The following TMEM272 variants were observed in gnomAD, a reference collection of about 807,000 sequenced individuals.
The protein encoded by TMEM272 is long intergenic non-protein coding RNA 282.
TMEM272 carries 8 observed loss-of-function variants against 3.7 expected under a neutral mutation model. The observed-to-expected ratio is 2.17, with a 90% CI of 1.27 to 3.91. TMEM272 has a LOEUF of 3.91. Ranked by LOEUF, TMEM272 falls within the 30% of genes most tolerant of loss-of-function variation. The pLI is 0.00. For missense variants in TMEM272, 166 were observed against 91.5 expected (o/e 1.81, Z -3.32); for synonymous variants, 63 against 39.8 (o/e 1.58, Z -2.20).
upstream of TMEM272, among the ~76,000 whole-genome samples, chr13:51,849,842 G>A (rs1405195550): frequency 6.6e-6 from 1 of 152,160 alleles, no homozygotes; most frequent in Non-Finnish European, 1.5e-5. Flanking sequence ...AATGCACAAC[G>A]CCACCTACTG....
chr13:51,851,946 C>T, the TMEM272 span, among the ~76,000 whole-genome samples: 7 of 152,206 alleles, frequency 4.6e-5, no homozygotes, highest in South Asian at 4.1e-4. Flanking sequence ...AACAATACTC[C>T]GATGAATAAC....
chr13:51,819,947 T>A (rs1381883494), intron 4 of TMEM272, among the ~76,000 whole-genome samples: 1 of 152,138 alleles, frequency 6.6e-6, no homozygotes, highest in African/African-American at 2.4e-5. Flanking sequence ...CTTGTTGGCT[T>A]AGAGAAGTCC....
chr13:51,865,688 G>GA, the TMEM272 span: 1 of 1,614,174 alleles, frequency 6.2e-7, no homozygotes. Flanking sequence ...CTGGAAAGAG[G>GA]AAAAATCCTT....
intron 4 of TMEM272, among the ~76,000 whole-genome samples, chr13:51,817,731 T>G (rs1956046357): frequency 6.6e-6 from 1 of 150,952 alleles, no homozygotes; most frequent in Admixed American, 6.6e-5. Context: ...GGACTGAGAG[T>G]CCCTCTCAGT....
intron 2 of TMEM272, among the ~76,000 whole-genome samples, chr13:51,834,647 G>A (rs957286373): frequency 5.3e-5 from 8 of 152,104 alleles, no homozygotes; most frequent in African/African-American, 1.7e-4. Context: ...CTAGAGTCAC[G>A]GTTCCTTCAC....
chr13:51,824,779 C>G (rs939230243), intron 3 of TMEM272, among the ~76,000 whole-genome samples: 1 of 152,170 alleles, frequency 6.6e-6, no homozygotes, highest in Non-Finnish European at 1.5e-5. Flanking sequence ...GTGGTGAAAC[C>G]CTGTCTCTAC....
chr13:51,862,559 A>T, the TMEM272 span, among the ~76,000 whole-genome samples: 1 of 152,170 alleles, frequency 6.6e-6, no homozygotes, highest in Non-Finnish European at 1.5e-5. Flanking sequence ...TATTTCCTGA[A>T]CACCTATCCT....
At chr13:51,893,866 AAATAT>A in the TMEM272 span, among the ~76,000 whole-genome samples, 1 of 152,338 alleles carries the variant, frequency 6.6e-6, no homozygotes, top group African/African-American at 2.4e-5. Context: ...TGGAGAAAAC[AAATAT>A]AATACATGAA....
At chr13:51,891,351 G>A in the TMEM272 span, among the ~76,000 whole-genome samples, 15 of 152,080 alleles carry the variant, frequency 9.9e-5, no homozygotes, top group African/African-American at 3.6e-4. Context: ...CATGAATAGA[G>A]ATTATTTGCC....
the TMEM272 span, among the ~76,000 whole-genome samples, chr13:51,900,128 GA>G: frequency 2.0e-5 from 3 of 151,438 alleles, no homozygotes; most frequent in Non-Finnish European, 4.4e-5. Flanking sequence ...GGCAAAAAAA[GA>G]AAAAAAATGT....
the TMEM272 span, among the ~76,000 whole-genome samples, chr13:51,886,509 G>T: frequency 6.6e-6 from 1 of 152,170 alleles, no homozygotes; most frequent in Non-Finnish European, 1.5e-5. Context: ...CTAGTAAAGG[G>T]CAGCACTAGG....
At chr13:51,845,418 C>T (rs191046588), upstream of TMEM272, among the ~76,000 whole-genome samples, 3 of 152,324 alleles carry the variant, frequency 2.0e-5, no homozygotes, top group Non-Finnish European at 4.4e-5. Context: ...AGCCCCTTCT[C>T]ACCCCTTGCC....
At chr13:51,918,277 C>A in the TMEM272 span, among the ~76,000 whole-genome samples, 1 of 152,210 alleles carries the variant, frequency 6.6e-6, no homozygotes, top group South Asian at 2.1e-4. Flanking sequence ...CTGGAACTTT[C>A]CTGACAGCCC....
At chr13:51,852,656 G>T in the TMEM272 span, among the ~76,000 whole-genome samples, 1 of 152,258 alleles carries the variant, frequency 6.6e-6, no homozygotes, top group East Asian at 1.9e-4. Context: ...AAGGCGGGCA[G>T]ATCATGAGGT....
At chr13:51,876,126 A>C in the TMEM272 span, among the ~76,000 whole-genome samples, 54,588 of 151,880 alleles carry the variant, frequency 0.36, 9,985 homozygotes, top group East Asian at 0.45. Flanking sequence ...TGTTCCCCCC[A>C]AAAAAAGGAA....
At chr13:51,856,295 C>T in the TMEM272 span, among the ~76,000 whole-genome samples, 1 of 152,160 alleles carries the variant, frequency 6.6e-6, no homozygotes, top group Non-Finnish European at 1.5e-5. Context: ...TCTACAGGAG[C>T]AACTGGAAAG....
chr13:51,901,348 G>T, the TMEM272 span, among the ~76,000 whole-genome samples: 1 of 152,098 alleles, frequency 6.6e-6, no homozygotes, highest in Non-Finnish European at 1.5e-5. Context: ...ATGGTCTAGA[G>T]TTCAATGCAG....
At chr13:51,820,694 G>C (rs1181886385) in intron 4 of TMEM272, among the ~76,000 whole-genome samples, 1 of 152,166 alleles carries the variant, frequency 6.6e-6, no homozygotes, top group Non-Finnish European at 1.5e-5. Flanking sequence ...TGAAAACGCT[G>C]CCCTTGTTTT....
intron 3 of TMEM272, among the ~76,000 whole-genome samples, chr13:51,825,405 G>A (rs1956115837): frequency 6.6e-6 from 1 of 152,188 alleles, no homozygotes; most frequent in Admixed American, 6.5e-5. Flanking sequence ...GAATAATTCA[G>A]TGGCATTTAG....
Sources: gnomAD v4.1 joint callset for allele counts (sites outside exome capture counted in the v4.1 genomes callset) on GRCh38, gnomAD v4.1.1 for gene constraint, MANE v1.5 for transcripts, NCBI Gene and HGNC (gene_info 2026-07-23, HGNC 2026-07-21) for gene names.